Variants in ARHGAP24 observed in about 807,000 individuals in gnomAD.
ARHGAP24 encodes the protein rho GTPase-activating protein 24.
A neutral mutation model predicts 76.4 loss-of-function variants in ARHGAP24; 50 were observed. That is an observed-to-expected ratio of 0.65 (90% confidence interval 0.52 to 0.83). The LOEUF (loss-of-function observed/expected upper bound fraction) is 0.83. Ranked by LOEUF, ARHGAP24 falls within the 40% of genes least tolerant of loss-of-function variation. ARHGAP24 has a pLI of 0.00. For synonymous variants in ARHGAP24, 345 were observed against 323.3 expected (o/e 1.07, Z -0.72); for missense variants, 930 against 914.2 (o/e 1.02, Z -0.22).
chr4:85,868,838 C>T (rs1732355951), intron 3 of ARHGAP24, among the ~76,000 whole-genome samples: 1 of 152,028 alleles, frequency 6.6e-6, no homozygotes, highest in African/African-American at 2.4e-5. Context: ...CCATAATCCC[C>T]TCACTTTAAA....
chr4:85,970,802 G>C (rs1022942959), intron 5 of ARHGAP24, among the ~76,000 whole-genome samples: 8 of 151,860 alleles, frequency 5.3e-5, no homozygotes, highest in African/African-American at 1.9e-4. Context: ...TACTCTTCCC[G>C]GTTCCAGGAA....
At chr4:85,613,505 G>A (rs920873234) in intron 2 of ARHGAP24, among the ~76,000 whole-genome samples, 2 of 152,026 alleles carry the variant, frequency 1.3e-5, no homozygotes, top group African/African-American at 2.4e-5. Flanking sequence ...TTGCTGACTG[G>A]CAAGGCTAAG....
At chr4:85,662,292 T>G (rs1471559218) in intron 2 of ARHGAP24, among the ~76,000 whole-genome samples, 1 of 151,944 alleles carries the variant, frequency 6.6e-6, no homozygotes, top group Non-Finnish European at 1.5e-5. Flanking sequence ...TTTTCATGTG[T>G]TTTTTGGCTG....
rs192238780 is a variant in ARHGAP24 at position 85,580,139 on chromosome 4, G to T, written c.180+9418G>T. Among the ~76,000 whole-genome samples the T allele has an allele frequency of 6.0e-3, 879 of 147,442 alleles. 5 individuals carry two copies. The highest frequency in any genetic ancestry group is 0.01 in the Non-Finnish European group (694 of 66,928). On this transcript the variant is annotated intron_variant, in intron 2 of 9. Transcript: ENST00000395184. Reference sequence around the variant, plus strand: ...GTGTATGTGTTTGTGTGTGTGGTGGGGGGGGAGGGTGATGGAGAGAGAGAG... The same window carrying T: ...GTGTATGTGTTTGTGTGTGTGGTGGTGGGGGAGGGTGATGGAGAGAGAGAG...
chr4:85,509,206 G>A (rs1037403227), intron 1 of ARHGAP24, among the ~76,000 whole-genome samples: 4 of 106,126 alleles, frequency 3.8e-5, no homozygotes, highest in Admixed American at 1.2e-4. Context: ...GGGGTGGGGG[G>A]AGGGGGGAGG....
Position 85,721,419 on chromosome 4 carries a change from G to A in ARHGAP24, c.181-466G>A, listed in dbSNP as rs1244846531. 3.4e-4 allele frequency among the ~76,000 whole-genome samples: 49 copies of A among 144,534 alleles called. No homozygotes were observed. In the South Asian group the frequency reaches 9.7e-3, roughly 29 times the overall value. The allele number at this position is 144,534 out of a possible 152,430, so 94.8% of individuals were successfully genotyped here. A position where few individuals can be genotyped will look rare whatever the true frequency, so the allele number is the denominator to read the frequency against. The stretch of plus-strand genomic sequence containing the variant: ...TCAAAAAACAAACAAAAAAAAAAAA[G>A]AAAAGGAAAAGAAAGAAAAGGAAAG... On this transcript the variant is annotated intron_variant, in intron 2 of 9. Coordinates refer to ENST00000395184, the MANE Select transcript of ARHGAP24 (RefSeq NM_001025616.3).
At chr4:85,881,325 T>C (rs1390230145) in intron 3 of ARHGAP24, among the ~76,000 whole-genome samples, 2 of 152,228 alleles carry the variant, frequency 1.3e-5, no homozygotes. Flanking sequence ...TTTTAATATT[T>C]TCATACCATG....
intron 3 of ARHGAP24, among the ~76,000 whole-genome samples, chr4:85,726,694 G>A (rs1270026110): frequency 5.9e-5 from 9 of 152,090 alleles, no homozygotes; most frequent in Admixed American, 4.6e-4. Flanking sequence ...TACAGTATCC[G>A]TTATAATGTC....
intron 3 of ARHGAP24, among the ~76,000 whole-genome samples, chr4:85,738,141 G>A (rs1293610283): frequency 6.6e-6 from 1 of 151,896 alleles, no homozygotes; most frequent in Non-Finnish European, 1.5e-5. Context: ...GGCTCGTCTC[G>A]AACTCCTGAC....
chr4:85,587,840 T>C (rs1727923476), intron 2 of ARHGAP24, among the ~76,000 whole-genome samples: 1 of 152,164 alleles, frequency 6.6e-6, no homozygotes, highest in African/African-American at 2.4e-5. Flanking sequence ...AAGTCACTGC[T>C]CTTGTGAAGC....
chr4:85,631,046 G>C (rs914237168), intron 2 of ARHGAP24, among the ~76,000 whole-genome samples: 2 of 152,050 alleles, frequency 1.3e-5, no homozygotes, highest in African/African-American at 4.8e-5. Flanking sequence ...CACAGAGAGA[G>C]AGGGAGAGTG....
At chr4:85,512,579 C>A (rs1057166433) in intron 1 of ARHGAP24, among the ~76,000 whole-genome samples, 9 of 152,096 alleles carry the variant, frequency 5.9e-5, no homozygotes, top group Admixed American at 2.0e-4. Context: ...ACTGAATCGA[C>A]CAGGTCTTTT....
chr4:85,973,920 G>A (rs1201529746), intron 6 of ARHGAP24, among the ~76,000 whole-genome samples: 5 of 134,550 alleles, frequency 3.7e-5, no homozygotes, highest in Admixed American at 1.7e-4. Flanking sequence ...TTGGCTCACT[G>A]CAAGCTCCGC....
intron 3 of ARHGAP24, among the ~76,000 whole-genome samples, chr4:85,795,426 G>A (rs1483787264): frequency 6.6e-6 from 1 of 152,042 alleles, no homozygotes; most frequent in Non-Finnish European, 1.5e-5. Context: ...GGTTCTTTAA[G>A]TTTTAAAATA....
intron 2 of ARHGAP24, among the ~76,000 whole-genome samples, chr4:85,648,754 T>C: frequency 6.6e-6 from 1 of 152,164 alleles, no homozygotes; most frequent in South Asian, 2.1e-4. Context: ...AAATTTCTGC[T>C]GGTCTATTAT....
At chr4:85,642,269 A>T (rs1721551759) in intron 2 of ARHGAP24, among the ~76,000 whole-genome samples, 1 of 152,172 alleles carries the variant, frequency 6.6e-6, no homozygotes, top group Admixed American at 6.5e-5. Context: ...ATGCCTCAAC[A>T]TCATAACAAG....
At chr4:85,583,761 C>A (rs918879469) in intron 2 of ARHGAP24, among the ~76,000 whole-genome samples, 5 of 147,246 alleles carry the variant, frequency 3.4e-5, no homozygotes, top group African/African-American at 1.3e-4. Flanking sequence ...AAAAAAAAAC[C>A]CCATCAAAAA....
chr4:85,560,107 C>A (rs909734837), intron 1 of ARHGAP24, among the ~76,000 whole-genome samples: 1 of 152,084 alleles, frequency 6.6e-6, no homozygotes, highest in African/African-American at 2.4e-5. Context: ...TTTCTTAATC[C>A]CAATCAATGG....
intron 3 of ARHGAP24, among the ~76,000 whole-genome samples, chr4:85,923,072 T>C (rs1735819115): frequency 6.6e-6 from 1 of 151,962 alleles, no homozygotes; most frequent in South Asian, 2.1e-4. Context: ...CCTCTTTGTT[T>C]GCCCTCCTGA....
Sources: allele counts gnomAD v4.1 joint callset (sites outside exome capture counted in the v4.1 genomes callset), GRCh38; gene constraint gnomAD v4.1.1; transcripts MANE v1.5; gene names NCBI Gene and HGNC (gene_info 2026-07-23, HGNC 2026-07-21).